The following SEMA5A variants were observed in gnomAD, a reference collection of about 807,000 sequenced individuals.
The protein encoded by SEMA5A is semaphorin-5A.
SEMA5A carries 55 observed loss-of-function variants against 135.5 expected under a neutral mutation model. The ratio of observed to expected loss-of-function variants is 0.41; its 90% CI spans 0.33 to 0.51. The LOEUF (loss-of-function observed/expected upper bound fraction) is 0.51. Ranked by LOEUF, SEMA5A falls within the 20% of genes least tolerant of loss-of-function variation. The pLI is 0.37. For missense variants in SEMA5A, 1,290 were observed against 1,419.9 expected (o/e 0.91, Z 1.47); for synonymous variants, 580 against 546.5 (o/e 1.06, Z -0.85).
chr5:9,520,806 C>T (rs1303480694), intron 1 of SEMA5A, among the ~76,000 whole-genome samples: 1 of 152,182 alleles, frequency 6.6e-6, no homozygotes, highest in East Asian at 1.9e-4. Flanking sequence ...TGAAAACCAT[C>T]AAGGTCATCC....
At chr5:9,302,326 G>C (rs559260008) in intron 5 of SEMA5A, among the ~76,000 whole-genome samples, 1 of 152,302 alleles carries the variant, frequency 6.6e-6, no homozygotes, top group African/African-American at 2.4e-5. Context: ...AGGGAGTAGA[G>C]TCCTGGCAAT....
chr5:9,358,133 C>T (rs1330348054), intron 3 of SEMA5A, among the ~76,000 whole-genome samples: 1 of 152,130 alleles, frequency 6.6e-6, no homozygotes, highest in African/African-American at 2.4e-5. Flanking sequence ...TTTGGACCCT[C>T]CATACCTCTC....
chr5:9,526,451 C>A (rs1350033804), intron 1 of SEMA5A, among the ~76,000 whole-genome samples: 3 of 152,106 alleles, frequency 2.0e-5, no homozygotes, highest in Non-Finnish European at 4.4e-5. Flanking sequence ...TTCACAGGTA[C>A]CTTTAATTAT....
intron 17 of SEMA5A, among the ~76,000 whole-genome samples, chr5:9,063,986 G>A (rs1371400874): frequency 1.3e-5 from 2 of 152,220 alleles, no homozygotes; most frequent in African/African-American, 4.8e-5. Flanking sequence ...TGTGACACAA[G>A]CTTTAACAAA....
chr5:9,340,773 C>T (rs1261838603), intron 3 of SEMA5A, among the ~76,000 whole-genome samples: 1 of 152,136 alleles, frequency 6.6e-6, no homozygotes, highest in South Asian at 2.1e-4. Flanking sequence ...GGTTGGCCAT[C>T]TCAACTTTGC....
chr5:9,133,513 C>G (rs1741555185), intron 13 of SEMA5A, among the ~76,000 whole-genome samples: 1 of 152,026 alleles, frequency 6.6e-6, no homozygotes, highest in African/African-American at 2.4e-5. Flanking sequence ...AATGAAATAC[C>G]CTGTCATCAG....
chr5:9,458,718 C>T (rs1213062490), intron 1 of SEMA5A, among the ~76,000 whole-genome samples: 3 of 152,164 alleles, frequency 2.0e-5, no homozygotes, highest in Non-Finnish European at 4.4e-5. Flanking sequence ...TAAAATGGAG[C>T]ACAGGAACCC....
At chr5:9,127,766 C>T (rs1445019485) in intron 13 of SEMA5A, among the ~76,000 whole-genome samples, 1 of 152,150 alleles carries the variant, frequency 6.6e-6, no homozygotes, top group Non-Finnish European at 1.5e-5. Context: ...GCTTTCCAAG[C>T]CCCTTTGGTC....
At chr5:9,491,269 G>A (rs1372033093) in intron 1 of SEMA5A, among the ~76,000 whole-genome samples, 4 of 152,062 alleles carry the variant, frequency 2.6e-5, no homozygotes, top group African/African-American at 9.7e-5. Context: ...GGAGAGCACA[G>A]GGGATTTTCG....
intron 11 of SEMA5A, among the ~76,000 whole-genome samples, chr5:9,174,899 C>T (rs543794673): frequency 5.9e-5 from 9 of 152,246 alleles, no homozygotes; most frequent in South Asian, 4.1e-4. Context: ...CCTTTGAAGG[C>T]GTAAGAGACG....
intron 19 of SEMA5A, among the ~76,000 whole-genome samples, chr5:9,053,396 G>A (rs1736703194): frequency 1.3e-5 from 2 of 152,206 alleles, no homozygotes; most frequent in South Asian, 4.1e-4. Flanking sequence ...GCTATCACCA[G>A]TTTCTGTTGT....
chr5:9,336,255 T>C (rs1490312249), intron 4 of SEMA5A, among the ~76,000 whole-genome samples: 1 of 152,076 alleles, frequency 6.6e-6, no homozygotes, highest in East Asian at 1.9e-4. Flanking sequence ...GCCTGGACCA[T>C]GTGAGAATGA....
intron 11 of SEMA5A, 118 bp downstream of exon 11, chr5:9,190,149 T>G (rs3026339): frequency 8.6e-6 from 9 of 1,044,056 alleles, no homozygotes; most frequent in Non-Finnish European, 1.3e-5. Context: ...TTTTGCTGGT[T>G]GCAAAAAGAG....
rs374072489 is a variant in SEMA5A, at chr5:9,120,848, G to A, written c.1782-1707C>T. Among the ~76,000 whole-genome samples the A allele has an allele frequency of 3.3e-5, 5 of 150,666 alleles. No individual in the cohort carries two copies. In the East Asian group the frequency reaches 7.9e-4, roughly 24 times the overall value. ...GGCTGGAGTGTAGTGGCTCTAACTCGGCTCACTGTAACCTCCGCCTGCTGG... is the reference window on the plus strand; with the variant it reads ...GGCTGGAGTGTAGTGGCTCTAACTCAGCTCACTGTAACCTCCGCCTGCTGG... On this transcript the variant is annotated intron_variant, in intron 14 of 22. Transcript: ENST00000382496.
intron 4 of SEMA5A, among the ~76,000 whole-genome samples, chr5:9,334,059 T>C (rs185222719): frequency 3.7e-4 from 57 of 152,266 alleles, no homozygotes; most frequent in African/African-American, 1.3e-3. Flanking sequence ...TAACCACAAA[T>C]GGCTGAAAGA....
intron 1 of SEMA5A, among the ~76,000 whole-genome samples, chr5:9,537,182 G>A (rs1737814069): frequency 6.6e-6 from 1 of 152,122 alleles, no homozygotes; most frequent in Non-Finnish European, 1.5e-5. Flanking sequence ...CTTTAATTAT[G>A]ATCAACTGAA....
intron 2 of SEMA5A, among the ~76,000 whole-genome samples, chr5:9,409,450 G>A (rs1757022470): frequency 6.6e-6 from 1 of 152,168 alleles, no homozygotes; most frequent in Non-Finnish European, 1.5e-5. Flanking sequence ...CTGGTAGGCT[G>A]AGTTCATGGC....
At chr5:9,214,246 C>T (rs1806033) in intron 8 of SEMA5A, among the ~76,000 whole-genome samples, 10,087 of 152,126 alleles carry the variant, frequency 0.066, 401 homozygotes, top group Middle Eastern at 0.14. Flanking sequence ...ACAGGCAGAG[C>T]CAGATCATAG....
At position 9,373,558 on chromosome 5, in the gene SEMA5A, C is replaced by T. The variant is rs544050989; in HGVS notation, c.124+6265G>A. Reference sequence around the variant, plus strand: ...TGCAGCTCTTGCTTAAGTTTCAGAACAATTCTCAGGCCAATCAATAAACCC... The same window carrying T: ...TGCAGCTCTTGCTTAAGTTTCAGAATAATTCTCAGGCCAATCAATAAACCC... On this transcript the variant is annotated intron_variant, in intron 3 of 22. Coordinates refer to ENST00000382496, the MANE Select transcript of SEMA5A (RefSeq NM_003966.3). 5.3e-5 allele frequency among the ~76,000 whole-genome samples: 8 copies of T among 152,302 alleles called. No individual in the cohort carries two copies. The South Asian group carries it at 1.7e-3, about 32-fold the overall frequency.
Sources: gnomAD v4.1 joint callset for allele counts (sites outside exome capture counted in the v4.1 genomes callset) on GRCh38, gnomAD v4.1.1 for gene constraint, MANE v1.5 for transcripts, NCBI Gene and HGNC (gene_info 2026-07-23, HGNC 2026-07-21) for gene names.